The following AQR variants were observed in gnomAD, a reference collection of about 807,000 sequenced individuals.
AQR encodes the protein aquarius intron-binding spliceosomal factor, also known as RNA helicase aquarius.
AQR carries 61 observed loss-of-function variants against 180.5 expected under a neutral mutation model. The observed-to-expected ratio is 0.34, with a 90% CI of 0.28 to 0.42. AQR has a LOEUF of 0.42. Among genes scored for constraint, AQR ranks in the 10% least tolerant of loss-of-function variants. The pLI, the probability that AQR is intolerant of heterozygous loss-of-function variation, is 1.00. For synonymous variants in AQR, 551 were observed against 588.8 expected (o/e 0.94, Z 0.93); for missense variants, 1,281 against 1,798.3 (o/e 0.71, Z 5.20).
In AQR at chr15:34,910,219, T is replaced by G. The variant is rs749357429; in HGVS notation, c.1579A>C (p.Ile527Leu). The change falls in exon 17 of 35, where the codon ATA becomes CTA. Residue 527 changes from isoleucine to leucine, a missense_variant. Ile to Leu is a conservative substitution (Grantham distance 5). This residue lies in a region of AQR where 200 missense variants were observed against 293.4 expected (regional missense o/e 0.68). Coordinates refer to ENST00000156471, the MANE Select transcript of AQR (RefSeq NM_014691.3). ...ACTCGGGTTGGCCAGTTTTCACCTA[T>G]GTTGGGTTTGGCCACTTCAACGACA... The part of the protein sequence containing the change: ...FTVVEVAKPN[I>L]GENWPTRVRA... 60 of 1,614,104 alleles carry G rather than the reference T, an allele frequency of 3.7e-5. No individual in the cohort carries two copies. The highest frequency in any genetic ancestry group is 8.3e-5 in the Admixed American group (5 of 60,000).
intron 30 of AQR, among the ~76,000 whole-genome samples, chr15:34,872,394 C>T (rs567517368): frequency 1.4e-4 from 22 of 152,100 alleles, no homozygotes; most frequent in African/African-American, 5.3e-4. Context: ...TTTCTTGAAT[C>T]GCTAAAAACT....
chr15:34,879,492 C>T (rs531457556), intron 27 of AQR, among the ~76,000 whole-genome samples: 2 of 152,312 alleles, frequency 1.3e-5, no homozygotes, highest in East Asian at 1.9e-4. Flanking sequence ...CAATCGCTTA[C>T]TAATCCCAGA....
intron 30 of AQR, among the ~76,000 whole-genome samples, chr15:34,873,152 T>C (rs916161651): frequency 2.6e-5 from 4 of 152,138 alleles, no homozygotes; most frequent in Non-Finnish European, 5.9e-5. Context: ...ATTTGGGTTG[T>C]TTCTCATTTC....
chr15:34,866,751 C>T (rs571214849), intron 32 of AQR, among the ~76,000 whole-genome samples: 2 of 152,142 alleles, frequency 1.3e-5, no homozygotes, highest in South Asian at 4.2e-4. Flanking sequence ...ACTTAATATG[C>T]AAAAACAAAC....
rs772610524 is a variant in AQR at position 34,856,878 on chromosome 15, T to C, written c.4372A>G (p.Thr1458Ala). The C allele has an allele frequency of 1.2e-5, 20 of 1,613,076 alleles. No homozygotes were observed. In the Admixed American group the frequency reaches 3.2e-4, roughly 26 times the overall value. Residue 1458 changes from threonine to alanine, a missense_variant, in exon 35 of 35, where the codon ACC becomes GCC. Around this residue, in one of 9 missense-constraint regions of AQR, gnomAD observed 182 missense variants for 185.3 expected, o/e 0.98. Coordinates refer to ENST00000156471, the MANE Select transcript of AQR (RefSeq NM_014691.3). ...GATACAGCTCCTACCACAGTAGGGG[T>C]GGTCTCAGATAAAGCAGGGATGGCT... The part of the protein sequence containing the change: ...PEAIPALSET[T>A]PTVVGAVSAP...
At chr15:34,921,433 CAAA>C (rs71119990) in intron 13 of AQR, among the ~76,000 whole-genome samples, 2,177 of 74,856 alleles carry the variant, frequency 0.029, 39 homozygotes, top group African/African-American at 0.082. Context: ...GACTCCATCT[CAAA>C]AAAAAAAAAA....
intron 10 of AQR, among the ~76,000 whole-genome samples, chr15:34,934,186 GAA>G (rs755624419): frequency 4.7e-5 from 7 of 150,460 alleles, no homozygotes; most frequent in Non-Finnish European, 1.0e-4. Flanking sequence ...AAAAGAAAAA[GAA>G]TTTTTTTCTT....
chr15:34,862,851 A>C lies in AQR; in HGVS notation c.4029+16T>G, dbSNP rs1203170795. 6.2e-7 allele frequency: 1 copy of C among 1,611,574 alleles called. No homozygotes were observed. The highest frequency in any genetic ancestry group is 1.1e-5 in the South Asian group (1 of 91,000). ...CTGAGGAATGCTGTTTTATAAAATG[A>C]AGAAAGAAGTCCTACCTTTCTAGTA... On this transcript the variant is annotated intron_variant, in intron 33 of 34. Coordinates refer to ENST00000156471, the MANE Select transcript of AQR (RefSeq NM_014691.3).
chr15:34,910,931 C>T (rs8041215), intron 16 of AQR, among the ~76,000 whole-genome samples: 4 of 152,164 alleles, frequency 2.6e-5, no homozygotes, highest in African/African-American at 9.6e-5. Flanking sequence ...CTTTGACCAA[C>T]ATGACCCCAT....
intron 18 of AQR, 85 bp downstream of exon 18, chr15:34,906,460 T>A: frequency 6.6e-7 from 1 of 1,507,338 alleles, no homozygotes; most frequent in Non-Finnish European, 9.0e-7. Flanking sequence ...AACTAAAAAA[T>A]ATTACCTAAG....
chr15:34,893,456 C>T (rs1266675411), intron 23 of AQR, among the ~76,000 whole-genome samples: 1 of 152,028 alleles, frequency 6.6e-6, no homozygotes, highest in East Asian at 1.9e-4. Context: ...CTTAGGCATG[C>T]CAGAATATAT....
At chr15:34,937,682 G>A (rs1316503094) in intron 9 of AQR, among the ~76,000 whole-genome samples, 3 of 152,090 alleles carry the variant, frequency 2.0e-5, no homozygotes, top group Admixed American at 6.5e-5. Flanking sequence ...TCAGGAGTTC[G>A]AGACCAGCCT....
intron 5 of AQR, among the ~76,000 whole-genome samples, chr15:34,946,499 C>T (rs1205400206): frequency 1.4e-5 from 2 of 143,588 alleles, no homozygotes; most frequent in Non-Finnish European, 3.1e-5. Flanking sequence ...CAGCCCCCCG[C>T]CCGGCCAGCC....
intron 23 of AQR, among the ~76,000 whole-genome samples, chr15:34,892,857 T>C (rs375337781): frequency 1.4e-4 from 22 of 152,172 alleles, no homozygotes; most frequent in Middle Eastern, 3.2e-3. Flanking sequence ...ATAAACAGAA[T>C]GGTTGTATGG....
intron 11 of AQR, among the ~76,000 whole-genome samples, chr15:34,932,047 T>C (rs561735753): frequency 1.3e-5 from 2 of 152,360 alleles, no homozygotes; most frequent in East Asian, 1.9e-4. Context: ...TCAGCTACTA[T>C]ATTTCACATA....
At chr15:34,881,091 T>C (rs184392330) in intron 27 of AQR, among the ~76,000 whole-genome samples, 2 of 152,306 alleles carry the variant, frequency 1.3e-5, no homozygotes, top group Non-Finnish European at 2.9e-5. Context: ...AAAAGCTCCA[T>C]GAAAGCAAAA....
intron 20 of AQR, 97 bp from the exon 21 acceptor site, chr15:34,897,802 T>C (rs1893271871): frequency 9.8e-6 from 13 of 1,324,804 alleles, no homozygotes; most frequent in African/African-American, 1.5e-5. Flanking sequence ...ATCAGAGGAG[T>C]AAGAAACATT....
chr15:34,907,646 C>A (rs1456964835), intron 17 of AQR, among the ~76,000 whole-genome samples: 1 of 152,098 alleles, frequency 6.6e-6, no homozygotes, highest in Non-Finnish European at 1.5e-5. Flanking sequence ...GAAATAATAA[C>A]TCTATTCATA....
intron 15 of AQR, 41 bp from the exon 16 acceptor site, chr15:34,915,220 T>A (rs765464970): frequency 2.0e-6 from 3 of 1,517,778 alleles, no homozygotes; most frequent in Non-Finnish European, 2.6e-6. Flanking sequence ...TTTTTTTTTT[T>A]TTTTGAGACG....
Sources: gnomAD v4.1 joint callset for allele counts (sites outside exome capture counted in the v4.1 genomes callset) on GRCh38, gnomAD v4.1.1 for gene constraint, gnomAD v4.1.1 regional missense constraint, MANE v1.5 for transcripts, NCBI Gene and HGNC (gene_info 2026-07-23, HGNC 2026-07-21) for gene names.